INSYN2A: variants seen among roughly 807,000 people sequenced by gnomAD.
INSYN2A encodes the protein inhibitory synaptic factor 2A, also known as family with sequence similarity 196 member A.
INSYN2A carries 17 observed loss-of-function variants against 39.4 expected under a neutral mutation model. That is an observed-to-expected ratio of 0.43 (90% CI 0.30 to 0.65). The LOEUF is 0.65. INSYN2A is among the 30% of genes least tolerant of loss of function. The pLI is 0.14. For missense variants in INSYN2A, 595 were observed against 631.2 expected (o/e 0.94, Z 0.61); for synonymous variants, 255 against 265.7 (o/e 0.96, Z 0.39).
intron 5 of INSYN2A, chr10:127,145,973 C>A (rs1474309656): frequency 3.9e-6 from 2 of 514,492 alleles, no homozygotes. Context: ...TGAGGAAGAA[C>A]CTGCCCTGGG....
At chr10:127,139,969 A>G (rs1036833676) in intron 5 of INSYN2A, among the ~76,000 whole-genome samples, 5 of 152,234 alleles carry the variant, frequency 3.3e-5, no homozygotes, top group African/African-American at 1.2e-4. Flanking sequence ...ACATTTAACA[A>G]GGAAAACAAG....
rs1208222231 is a variant in INSYN2A, at chr10:127,175,830, C to T, written c.566G>A (p.Gly189Glu). The change falls in exon 4 of 6, where the codon GGG (glycine) becomes GAG (glutamate). Residue 189 changes from glycine to glutamate, a missense_variant. By Grantham distance (98) the Gly-to-Glu change is moderately conservative. This residue lies in a region of INSYN2A where 478 missense variants were observed against 467.4 expected (regional missense o/e 1.02). Coordinates refer to ENST00000522781, the MANE Select transcript of INSYN2A (RefSeq NM_001039762.3). This position sits in a 1 kb window ranked among gnomAD's most constrained non-coding sequence, Gnocchi z 6.3. ...TTTACAGGGCTCTGTGCAGTTGACC[C>T]CCAAAGGCTGGTCCACTGTGTTCAT... is the stretch of plus-strand genomic sequence containing the variant. ...QHMNTVDQPL[G>E]VNCTEPCKSP... is the part of the protein sequence containing the mutation. The T allele has an allele frequency of 1.4e-5, 22 of 1,614,118 alleles. No homozygotes were observed. Among genetic ancestry groups the T allele is most frequent in the Non-Finnish European group, 1.9e-5 (22 of 1,180,030 alleles).
At chr10:127,147,202 C>T (rs2051952172) in intron 5 of INSYN2A, among the ~76,000 whole-genome samples, 1 of 152,176 alleles carries the variant, frequency 6.6e-6, no homozygotes, top group South Asian at 2.1e-4. Context: ...GAGAAGCCGT[C>T]AAGGATTGTG....
At chr10:127,171,011 G>C (rs2133830513) in intron 4 of INSYN2A, among the ~76,000 whole-genome samples, 1 of 152,282 alleles carries the variant, frequency 6.6e-6, no homozygotes, top group East Asian at 1.9e-4. Context: ...TGAAATGCTC[G>C]TAACAGGATA....
At chr10:127,181,599 C>T (rs538421172) in intron 2 of INSYN2A, among the ~76,000 whole-genome samples, 1 of 152,196 alleles carries the variant, frequency 6.6e-6, no homozygotes, top group Non-Finnish European at 1.5e-5. Flanking sequence ...TCTCACTGTT[C>T]AGACACCTTG....
Position 127,175,263 on chromosome 10 carries a change from A to G in INSYN2A, c.1133T>C (p.Val378Ala). 1.2e-6 allele frequency: 2 copies of G among 1,614,066 alleles called. No individual in the cohort carries two copies. Among genetic ancestry groups the G allele is most frequent in the Non-Finnish European group, 1.7e-6 (2 of 1,180,012 alleles). The change falls in exon 4 of 6, where the codon GTG becomes GCG. Residue 378 changes from valine to alanine, a missense_variant. By Grantham distance (64) the Val-to-Ala change is moderately conservative. Around this residue, in one of 2 missense-constraint regions of INSYN2A, gnomAD observed 117 missense variants for 163.8 expected, o/e 0.71. Transcript: ENST00000522781. The surrounding 1 kb of genome is among the most constrained non-coding windows in gnomAD (Gnocchi z 6.3). The part of the protein sequence containing the change: ...LISSSQETIK[V>A]LLGVIQELEK... ...CAACTCCTGAATGACCCCCAAGAGC[A>G]CTTTGATGGTTTCTTGGCTTGAACT...
rs1347228848 is a variant in INSYN2A, at chr10:127,175,813, G to A, written c.583C>T (p.Pro195Ser). 6.2e-6 allele frequency: 10 copies of A among 1,614,086 alleles called. No homozygotes were observed. Among genetic ancestry groups the A allele is most frequent in the Non-Finnish European group, 7.6e-6 (9 of 1,180,018 alleles). Residue 195 changes from proline (P) to serine (S), a missense_variant, in exon 4 of 6, where the codon CCC becomes TCC. Physicochemically the swap from Pro to Ser is moderately conservative, Grantham distance 74. Transcript: ENST00000522781. This position sits in a 1 kb window ranked among gnomAD's most constrained non-coding sequence, Gnocchi z 6.3. Reference sequence around the variant, plus strand: ...CTGAGCGGCTCCGGGCTTTTACAGGGCTCTGTGCAGTTGACCCCCAAAGGC... The same window carrying A: ...CTGAGCGGCTCCGGGCTTTTACAGGACTCTGTGCAGTTGACCCCCAAAGGC... ...DQPLGVNCTE[P>S]CKSPEPLSYG...
intron 4 of INSYN2A, among the ~76,000 whole-genome samples, chr10:127,161,266 C>T (rs1246712443): frequency 6.6e-6 from 1 of 152,220 alleles, no homozygotes; most frequent in East Asian, 1.9e-4. Context: ...TTTGAGGGAA[C>T]AGCCAATTTA....
At chr10:127,163,448 G>A (rs774069725) in intron 4 of INSYN2A, among the ~76,000 whole-genome samples, 2 of 152,082 alleles carry the variant, frequency 1.3e-5, no homozygotes, top group African/African-American at 4.8e-5. Context: ...GTTCCCGGGC[G>A]GGCAAACTTT....
At chr10:127,148,519 A>C (rs1195629042) in intron 5 of INSYN2A, among the ~76,000 whole-genome samples, 2 of 152,186 alleles carry the variant, frequency 1.3e-5, no homozygotes, top group Non-Finnish European at 2.9e-5. Context: ...ATTTTGTCGC[A>C]GTACTATGTT....
chr10:127,175,162 TGTG>T lies in INSYN2A; in HGVS notation c.1184+47_1184+49del. The T allele has an allele frequency of 2.0e-6, 3 of 1,484,312 alleles. No individual in the cohort carries two copies. Among genetic ancestry groups the T allele is most frequent in the Non-Finnish European group, 2.8e-6 (3 of 1,080,294 alleles). 91.9% of individuals were successfully genotyped at this position (1,484,312 alleles called of 1,614,324 possible). ...TGGGTTTGGGGCTACAGATGGACTC[TGTG>T]GTGATCAGCCTGCATAGCTTCCTAA... is the stretch of plus-strand genomic sequence containing the variant. On this transcript the variant is annotated intron_variant, in intron 4 of 5. Transcript: ENST00000522781. The surrounding 1 kb of genome is among the most constrained non-coding windows in gnomAD (Gnocchi z 6.3).
intron 2 of INSYN2A, among the ~76,000 whole-genome samples, chr10:127,180,588 A>G (rs185147862): frequency 1.6e-3 from 238 of 152,358 alleles, no homozygotes; most frequent in Non-Finnish European, 1.8e-3. Flanking sequence ...CTGTAAATAC[A>G]TAAACCCTGC....
In INSYN2A at chr10:127,175,340, A is replaced by G. The variant is rs148082953; in HGVS notation, c.1056T>C (p.His352=). The G allele has an allele frequency of 1.9e-5, 30 of 1,614,072 alleles. No individual in the cohort carries two copies. The highest frequency in any genetic ancestry group is 6.7e-5 in the African/African-American group (5 of 75,028). Residue 352 remains histidine (H), a synonymous_variant, in exon 4 of 6, where the codon CAT becomes CAC. Coordinates refer to ENST00000522781, the MANE Select transcript of INSYN2A (RefSeq NM_001039762.3). This position sits in a 1 kb window ranked among gnomAD's most constrained non-coding sequence, Gnocchi z 6.3. ...GTGCTTTGAGGTCGACCACTTCCGT[A>G]TGAGGCACGATTCGTTGGCATTCTT... The part of the protein sequence containing the change: ...AGEECQRIVP[H]TEVVDLKAQL...
chr10:127,159,109 G>T (rs1419364119), intron 4 of INSYN2A, among the ~76,000 whole-genome samples: 1 of 152,216 alleles, frequency 6.6e-6, no homozygotes, highest in Non-Finnish European at 1.5e-5. Context: ...GACAGTGCAT[G>T]AAAGAGAAGG....
At chr10:127,153,812 C>T (rs763473458) in intron 5 of INSYN2A, 40 bp downstream of exon 5, 1 of 1,465,600 alleles carries the variant, frequency 6.8e-7, no homozygotes, top group Admixed American at 1.7e-5. Flanking sequence ...TCATTTGTCA[C>T]TCATAATAAG....
intron 2 of INSYN2A, among the ~76,000 whole-genome samples, chr10:127,186,254 C>A (rs182751072): frequency 6.6e-6 from 1 of 152,336 alleles, no homozygotes; most frequent in African/African-American, 2.4e-5. Context: ...GTTTAACGGA[C>A]TCTCCGTTCT....
intron 5 of INSYN2A, among the ~76,000 whole-genome samples, chr10:127,141,759 T>G (rs2051281095): frequency 6.6e-6 from 1 of 152,136 alleles, no homozygotes; most frequent in East Asian, 1.9e-4. Flanking sequence ...AATTATGTTG[T>G]GTCCTCCCCT....
intron 2 of INSYN2A, among the ~76,000 whole-genome samples, chr10:127,185,548 A>G (rs2056153363): frequency 6.6e-6 from 1 of 152,164 alleles, no homozygotes; most frequent in African/African-American, 2.4e-5. Context: ...CTGGGACCTT[A>G]GCTGAGATAC....
At chr10:127,194,847 A>G (rs1292605683) in intron 1 of INSYN2A, among the ~76,000 whole-genome samples, 2 of 152,044 alleles carry the variant, frequency 1.3e-5, no homozygotes, top group African/African-American at 4.8e-5. Flanking sequence ...TTGCAGTTTC[A>G]CCTCGGGATG....
Sources: allele counts gnomAD v4.1 joint callset (sites outside exome capture counted in the v4.1 genomes callset), GRCh38; gene constraint gnomAD v4.1.1; regional missense constraint gnomAD v4.1.1; non-coding constraint Gnocchi (gnomAD v3.1); transcripts MANE v1.5; gene names NCBI Gene and HGNC (gene_info 2026-07-23, HGNC 2026-07-21).